Variants in COA1 observed in about 807,000 individuals in gnomAD.
The protein encoded by COA1 is cytochrome c oxidase assembly factor 1 homolog.
In COA1, 13 loss-of-function variants were observed where a neutral mutation model predicts 16.0. The ratio of observed to expected loss-of-function variants is 0.81; its 90% confidence interval spans 0.53 to 1.29. The LOEUF is 1.29. Among genes scored for constraint, COA1 ranks in the 50% most tolerant of loss-of-function variants. The probability of loss-of-function intolerance (pLI) is 0.00; values close to 1 mark genes in which losing one functional copy is unlikely to be tolerated. For missense variants in COA1, 179 were observed against 177.0 expected, an observed-to-expected ratio of 1.01 and a Z score of -0.06; for synonymous variants, 65 against 65.7, an observed-to-expected ratio of 0.99 and a Z score of 0.05.
At chr7:43,714,944 T>G (rs1481776163) in intron 1 of COA1, among the ~76,000 whole-genome samples, 1 of 144,748 alleles carries the variant, frequency 6.9e-6, no homozygotes, top group Non-Finnish European at 1.5e-5. Context: ...GAGGTAGCAG[T>G]TGCAGTAAGC....
intron 6 of COA1, chr7:43,623,869 CTT>C: frequency 6.4e-6 from 10 of 1,555,184 alleles, no homozygotes; most frequent in Non-Finnish European, 7.8e-6. Flanking sequence ...CATCAGGACA[CTT>C]TTAGTTAAGA....
chr7:43,691,422 A>AGGAAGG (rs1387612637), intron 1 of COA1, among the ~76,000 whole-genome samples: 56 of 19,978 alleles, frequency 2.8e-3, no homozygotes, highest in Non-Finnish European at 3.7e-3. Context: ...GAAGAAAGAA[A>AGGAAGG]AAGAAAGAAA....
intron 4 of COA1, 73 bp from the exon 5 acceptor site, chr7:43,640,722 A>C: frequency 8.8e-7 from 1 of 1,139,204 alleles, no homozygotes; most frequent in Non-Finnish European, 1.3e-6. Context: ...TGACAAAATG[A>C]TGCTTTCTAG....
intron 4 of COA1, chr7:43,640,880 G>T: frequency 2.1e-6 from 1 of 466,270 alleles, no homozygotes; most frequent in South Asian, 2.9e-5. Flanking sequence ...TGGCAAGGAG[G>T]ACTCCTATGT....
chr7:43,656,845 G>A (rs1053958855), intron 1 of COA1, among the ~76,000 whole-genome samples: 3 of 151,638 alleles, frequency 2.0e-5, no homozygotes, highest in Non-Finnish European at 2.9e-5. Context: ...GAAAAGAAAA[G>A]AACTAGAGAG....
intron 1 of COA1, among the ~76,000 whole-genome samples, chr7:43,665,897 T>G (rs532520790): frequency 3.3e-5 from 5 of 152,172 alleles, no homozygotes; most frequent in Non-Finnish European, 5.9e-5. Context: ...AAAATGAGAT[T>G]TGGGTGGGGA....
intron 1 of COA1, among the ~76,000 whole-genome samples, chr7:43,706,697 T>A (rs2094993030): frequency 1.3e-5 from 2 of 151,316 alleles, no homozygotes; most frequent in South Asian, 2.1e-4. Context: ...AGTGAAAGAC[T>A]GTCTCCACAA....
At chr7:43,652,056 C>G (rs570043555) in intron 1 of COA1, among the ~76,000 whole-genome samples, 1 of 152,182 alleles carries the variant, frequency 6.6e-6, no homozygotes, top group Non-Finnish European at 1.5e-5. Flanking sequence ...ATAGAATTGA[C>G]AGCGGAAAGA....
intron 1 of COA1, among the ~76,000 whole-genome samples, chr7:43,684,277 T>C (rs954204284): frequency 2.0e-5 from 3 of 152,148 alleles, no homozygotes; most frequent in Non-Finnish European, 1.5e-5. Context: ...GAATTCAATA[T>C]AGCTGCTGAT....
At chr7:43,648,856 C>T (rs766327291) in intron 1 of COA1, 7 of 515,380 alleles carry the variant, frequency 1.4e-5, no homozygotes, top group Non-Finnish European at 2.4e-5. Context: ...ACAAAGCCTG[C>T]GGGTTTCCTG....
chr7:43,656,350 T>C (rs200256672), intron 1 of COA1, among the ~76,000 whole-genome samples: 2 of 152,208 alleles, frequency 1.3e-5, no homozygotes, highest in African/African-American at 4.8e-5. Flanking sequence ...ATAGAAGACT[T>C]GGAACATTCA....
intron 1 of COA1, among the ~76,000 whole-genome samples, chr7:43,663,142 G>C (rs1045017578): frequency 1.3e-5 from 2 of 152,150 alleles, no homozygotes; most frequent in African/African-American, 2.4e-5. Context: ...GTTGTTTCAA[G>C]TATGTGGCAC....
intron 1 of COA1, among the ~76,000 whole-genome samples, chr7:43,679,111 C>T (rs930213948): frequency 4.6e-5 from 7 of 151,788 alleles, no homozygotes; most frequent in Non-Finnish European, 1.0e-4. Flanking sequence ...AAACCCCATA[C>T]AAAAAATTAG....
chr7:43,653,919 C>T, intron 1 of COA1, among the ~76,000 whole-genome samples: 1 of 152,018 alleles, frequency 6.6e-6, no homozygotes, highest in East Asian at 1.9e-4. Context: ...ATCAAGCTAC[C>T]ACTTCCTGAT....
intron 4 of COA1, among the ~76,000 whole-genome samples, chr7:43,644,736 A>T (rs796103159): frequency 1.2e-5 from 1 of 84,770 alleles, no homozygotes; most frequent in African/African-American, 3.8e-5. Flanking sequence ...ATAGATAGAT[A>T]GATAGATAGA....
At position 43,648,813 on chromosome 7, in the gene COA1, T is replaced by C; in HGVS notation, c.-38-161A>G. ...CCTTGTCTGTGAAAGGCCCTGGTTT[T>C]TCCCCCTTCTGCTGCCAAATTAGGA... On this transcript the variant is annotated intron_variant, in intron 1 of 5. Coordinates refer to ENST00000223336, the MANE Select transcript of COA1 (RefSeq NM_018224.4). The C allele has an allele frequency of 7.1e-6, 4 of 565,164 alleles. No individual in the cohort carries two copies. In the South Asian group the frequency reaches 1.0e-4, roughly 15 times the overall value. 35.0% of individuals were successfully genotyped at this position (565,164 alleles called of 1,614,324 possible).
At chr7:43,640,189 G>C (rs1017192597) in intron 5 of COA1, among the ~76,000 whole-genome samples, 1 of 152,380 alleles carries the variant, frequency 6.6e-6, no homozygotes, top group Admixed American at 6.5e-5. Context: ...TTAAGGGGTG[G>C]AGAGCTTATG....
At chr7:43,608,538 C>G in exon 7 of COA1, 1 of 979,926 alleles carries the variant, frequency 1.0e-6, no homozygotes, top group Non-Finnish European at 1.5e-6. Context: ...GTCTTTACTC[C>G]TATCCTCTAG....
At position 43,710,375 on chromosome 7, in the gene COA1, A is replaced by AATATATATATATAT. The variant is rs1554558920; in HGVS notation, c.-39+19040_-39+19053dup. 3.5e-3 allele frequency among the ~76,000 whole-genome samples: 129 copies of AATATATATATATAT among 36,418 alleles called. 2 individuals carry two copies. Among genetic ancestry groups the AATATATATATATAT allele is most frequent in the Non-Finnish European group, 4.8e-3 (102 of 21,318 alleles). The allele number at this position is 36,418 out of a possible 152,430, so 23.9% of individuals were successfully genotyped here. ...AAAAAAAAAAAAAAAAAAAAAAAAAAATATATATATATATATATATTTTTA... is the reference window on the plus strand; with the variant it reads ...AAAAAAAAAAAAAAAAAAAAAAAAAAATATATATATATATATATATATATATATATATATTTTTA... On this transcript the variant is annotated intron_variant, in intron 1 of 5. Transcript: ENST00000223336.
Sources: gnomAD v4.1 joint callset for allele counts (sites outside exome capture counted in the v4.1 genomes callset) on GRCh38, gnomAD v4.1.1 for gene constraint, MANE v1.5 for transcripts, NCBI Gene and HGNC (gene_info 2026-07-23, HGNC 2026-07-21) for gene names.